PHF14: variants seen among roughly 807,000 people sequenced by gnomAD.
PHF14 encodes the protein PHD finger protein 14.
In PHF14, 55 loss-of-function variants were observed where a neutral mutation model predicts 117.9. That is an observed-to-expected ratio of 0.47 (90% CI 0.38 to 0.58). The LOEUF is 0.58. Ranked by LOEUF, PHF14 falls within the 20% of genes least tolerant of loss-of-function variation. The pLI is 0.00. For synonymous variants in PHF14, 409 were observed against 368.6 expected (o/e 1.11, Z -1.26); for missense variants, 978 against 1,122.2 (o/e 0.87, Z 1.84).
chr7:11,141,102 T>A (rs1788385150), intron 17 of PHF14, among the ~76,000 whole-genome samples: 3 of 152,086 alleles, frequency 2.0e-5, no homozygotes, highest in Non-Finnish European at 2.9e-5. Flanking sequence ...GAGTTTACAT[T>A]TCCTCATCAG....
intron 10 of PHF14, 145 bp downstream of exon 10, chr7:11,037,236 G>T: frequency 1.6e-6 from 1 of 607,844 alleles, no homozygotes; most frequent in Non-Finnish European, 2.8e-6. Context: ...CTCCTCATTA[G>T]CTTCATTATC....
chr7:11,145,540 T>C (rs938248789), intron 17 of PHF14, among the ~76,000 whole-genome samples: 4 of 152,102 alleles, frequency 2.6e-5, no homozygotes, highest in Non-Finnish European at 5.9e-5. Context: ...ATAAAGGTGC[T>C]GATTCACTTT....
intron 4 of PHF14, among the ~76,000 whole-genome samples, chr7:10,992,443 A>T (rs946472718): frequency 2.0e-5 from 3 of 148,950 alleles, no homozygotes; most frequent in African/African-American, 7.4e-5. Context: ...CGGGCGGATC[A>T]CCTGAGGTCA....
At chr7:11,096,735 G>T (rs1014461083) in intron 16 of PHF14, among the ~76,000 whole-genome samples, 1 of 152,058 alleles carries the variant, frequency 6.6e-6, no homozygotes, top group African/African-American at 2.4e-5. Flanking sequence ...CATTCAAAAA[G>T]AACTCAAGAT....
intron 16 of PHF14, chr7:11,104,306 A>G (rs1450807861): frequency 1.0e-6 from 1 of 982,428 alleles, no homozygotes; most frequent in Non-Finnish European, 1.2e-6. Context: ...TATAGACTGC[A>G]AAATTCATAA....
At chr7:11,059,518 G>C (rs1785136345) in intron 14 of PHF14, among the ~76,000 whole-genome samples, 1 of 152,192 alleles carries the variant, frequency 6.6e-6, no homozygotes, top group South Asian at 2.1e-4. Flanking sequence ...GTTCACACCT[G>C]TAATCTGAGT....
intron 4 of PHF14, among the ~76,000 whole-genome samples, chr7:11,003,548 A>C (rs1452566186): frequency 3.3e-5 from 5 of 152,244 alleles, no homozygotes; most frequent in African/African-American, 9.6e-5. Flanking sequence ...GATAGTAAAA[A>C]GGTTACTGTA....
intron 5 of PHF14, among the ~76,000 whole-genome samples, chr7:11,022,259 G>A (rs1393816777): frequency 6.6e-6 from 1 of 151,980 alleles, no homozygotes; most frequent in Non-Finnish European, 1.5e-5. Context: ...TAGATTGTAT[G>A]GTAAACAGAT....
At chr7:11,128,957 C>CT (rs1441354873) in intron 17 of PHF14, among the ~76,000 whole-genome samples, 3 of 151,822 alleles carry the variant, frequency 2.0e-5, no homozygotes, top group South Asian at 2.1e-4. Context: ...ATTTGGTAGA[C>CT]TTTTTTTGTC....
intron 16 of PHF14, among the ~76,000 whole-genome samples, chr7:11,087,155 C>T (rs949044046): frequency 6.6e-6 from 1 of 151,640 alleles, no homozygotes; most frequent in African/African-American, 2.4e-5. Context: ...AATTTAGCTT[C>T]CTGGAGTGAT....
intron 17 of PHF14, among the ~76,000 whole-genome samples, chr7:11,145,636 A>G (rs1255844296): frequency 2.0e-5 from 3 of 151,996 alleles, no homozygotes; most frequent in Admixed American, 1.3e-4. Flanking sequence ...TAAAAATTAT[A>G]TTAATATACT....
intron 17 of PHF14, among the ~76,000 whole-genome samples, chr7:11,120,563 G>A (rs1011107602): frequency 5.3e-5 from 8 of 151,772 alleles, no homozygotes; most frequent in African/African-American, 1.9e-4. Context: ...TAATTTCTTG[G>A]TAGCAATGAA....
At chr7:11,025,274 C>G (rs1017446414) in intron 6 of PHF14, among the ~76,000 whole-genome samples, 4 of 152,158 alleles carry the variant, frequency 2.6e-5, no homozygotes, top group African/African-American at 9.7e-5. Flanking sequence ...GAGTTGGAAT[C>G]TACTCCTGGT....
At chr7:11,080,281 C>T (rs1043225041) in intron 16 of PHF14, among the ~76,000 whole-genome samples, 3 of 152,042 alleles carry the variant, frequency 2.0e-5, no homozygotes, top group Admixed American at 6.6e-5. Context: ...TTAAAAAAAA[C>T]TTGATAACTT....
At chr7:11,011,439 T>A (rs1307717854) in intron 4 of PHF14, among the ~76,000 whole-genome samples, 4 of 152,232 alleles carry the variant, frequency 2.6e-5, no homozygotes, top group Non-Finnish European at 4.4e-5. Flanking sequence ...TAGGAGACGA[T>A]CATGTTAAAT....
At chr7:11,138,969 T>TC (rs1788328474) in intron 17 of PHF14, among the ~76,000 whole-genome samples, 2 of 152,274 alleles carry the variant, frequency 1.3e-5, no homozygotes, top group African/African-American at 4.8e-5. Context: ...TTTTCTTTTT[T>TC]CCCCTGAATG....
At chr7:11,009,836 T>G (rs562693581) in intron 4 of PHF14, among the ~76,000 whole-genome samples, 10 of 152,338 alleles carry the variant, frequency 6.6e-5, no homozygotes, top group African/African-American at 2.4e-4. Flanking sequence ...AACACCATTC[T>G]TCCAGATTAC....
rs1468333780 is a variant in PHF14, at chr7:11,116,731, C to T, written c.2772+5264C>T. Reference sequence around the variant, plus strand: ...ACATTTGTATTTTTTACAAGTTCCACAGGTGATTTTATGAGATTTTATGAG... The same window carrying T: ...ACATTTGTATTTTTTACAAGTTCCATAGGTGATTTTATGAGATTTTATGAG... On this transcript the variant is annotated intron_variant, in intron 17 of 17. Transcript: ENST00000634607. Among the ~76,000 whole-genome samples, 4 of 151,804 alleles carry T rather than the reference C, an allele frequency of 2.6e-5. No individual in the cohort carries two copies. In the Admixed American group the frequency reaches 2.6e-4, roughly 10 times the overall value.
chr7:11,154,735 T>G (rs954596160), intron 17 of PHF14, among the ~76,000 whole-genome samples: 15 of 152,130 alleles, frequency 9.9e-5, no homozygotes, highest in Admixed American at 9.2e-4. Context: ...GCTAATCAGA[T>G]GCCCGTGGGG....
Sources: allele counts gnomAD v4.1 joint callset (sites outside exome capture counted in the v4.1 genomes callset), GRCh38; gene constraint gnomAD v4.1.1; transcripts MANE v1.5; gene names NCBI Gene and HGNC (gene_info 2026-07-23, HGNC 2026-07-21).